Variants in SYNCRIP observed in about 807,000 individuals in gnomAD.
SYNCRIP encodes the protein heterogeneous nuclear ribonucleoprotein Q.
In SYNCRIP, 9 loss-of-function variants were observed where a neutral mutation model predicts 68.9. The ratio of observed to expected loss-of-function variants is 0.13; its 90% confidence interval spans 0.08 to 0.23. The LOEUF is 0.23. Ranked by LOEUF, SYNCRIP falls within the 10% of genes least tolerant of loss-of-function variation. SYNCRIP has a pLI of 1.00. For missense variants in SYNCRIP, 414 were observed against 770.6 expected, an observed-to-expected ratio of 0.54 and a Z score of 5.48; for synonymous variants, 258 against 254.0, an observed-to-expected ratio of 1.02 and a Z score of -0.15.
At chr6:85,635,893 G>GA (rs201938253) in intron 6 of SYNCRIP, among the ~76,000 whole-genome samples, 23 of 149,992 alleles carry the variant, frequency 1.5e-4, no homozygotes, top group East Asian at 1.9e-4. Context: ...AGGAGGGAGG[G>GA]AAAAAAAAAT....
rs1428167641 is a variant in SYNCRIP, at chr6:85,633,886, T to C, written c.666+3081A>G. Reference sequence around the variant, plus strand: ...ATCCTTGCACCTCAGCCTACCAAAGTGCTGGGACTACAGGTGTGAGCAACC... The same window carrying C: ...ATCCTTGCACCTCAGCCTACCAAAGCGCTGGGACTACAGGTGTGAGCAACC... On this transcript the variant is annotated intron_variant, in intron 6 of 10. Coordinates refer to ENST00000369622, the MANE Select transcript of SYNCRIP (RefSeq NM_006372.5). Among the ~76,000 whole-genome samples, 3 of 152,104 alleles carry C rather than the reference T, an allele frequency of 2.0e-5. 1 individual carries two copies. The South Asian group carries it at 6.2e-4, about 32-fold the overall frequency.
At chr6:85,625,381 T>G (rs1368533359) in intron 6 of SYNCRIP, among the ~76,000 whole-genome samples, 1 of 141,306 alleles carries the variant, frequency 7.1e-6, no homozygotes, top group African/African-American at 2.6e-5. Flanking sequence ...ACATACAGGG[T>G]TTTTTTTTTT....
intron 9 of SYNCRIP, 118 bp downstream of exon 9, chr6:85,619,150 G>C: frequency 2.8e-6 from 4 of 1,432,480 alleles, no homozygotes; most frequent in Non-Finnish European, 3.8e-6. Flanking sequence ...AAAGGTTTTA[G>C]TTTGAATGGA....
Position 85,618,917 on chromosome 6 carries a change from T to C in SYNCRIP, c.1181A>G (p.Lys394Arg). ...TTCAATATTTTCTCCCTCCAAGTCT[T>C]TGCCATTCATTTCTTCCATAGCCTT... is the stretch of plus-strand genomic sequence containing the variant. ...AVKAMEEMNG[K>R]DLEGENIEIV... The change falls in exon 10 of 11, where the codon AAA (lysine) becomes AGA (arginine). Residue 394 changes from lysine (K) to arginine (R), a missense_variant. Lys to Arg is a conservative substitution (Grantham distance 26, BLOSUM62 2). Coordinates refer to ENST00000369622, the MANE Select transcript of SYNCRIP (RefSeq NM_006372.5). 6.2e-7 allele frequency: 1 copy of C among 1,612,236 alleles called. No individual in the cohort carries two copies. Among genetic ancestry groups the C allele is most frequent in the Non-Finnish European group, 8.5e-7 (1 of 1,179,122 alleles).
chr6:85,635,526 T>G (rs141177245), intron 6 of SYNCRIP, among the ~76,000 whole-genome samples: 2 of 151,982 alleles, frequency 1.3e-5, no homozygotes, highest in Non-Finnish European at 2.9e-5. Flanking sequence ...TCCCAGCACT[T>G]TGCGGGGCTG....
chr6:85,633,048 C>T (rs1195736320), intron 6 of SYNCRIP, among the ~76,000 whole-genome samples: 3 of 150,172 alleles, frequency 2.0e-5, no homozygotes, highest in East Asian at 2.0e-4. Flanking sequence ...GTCAAGAGAT[C>T]GAGACCATCC....
At chr6:85,620,559 C>T (rs1017785328) in intron 8 of SYNCRIP, among the ~76,000 whole-genome samples, 2 of 152,182 alleles carry the variant, frequency 1.3e-5, no homozygotes, top group Non-Finnish European at 2.9e-5. Flanking sequence ...TGAAACTATT[C>T]TGTATAATAC....
chr6:85,642,045 T>C (rs1259267819), intron 1 of SYNCRIP, among the ~76,000 whole-genome samples: 2 of 151,978 alleles, frequency 1.3e-5, no homozygotes, highest in African/African-American at 4.8e-5. Context: ...TCCAATGTCC[T>C]ACAACTTCCT....
chr6:85,616,644 G>A (rs948275230), intron 10 of SYNCRIP, among the ~76,000 whole-genome samples: 3 of 152,178 alleles, frequency 2.0e-5, no homozygotes, highest in Middle Eastern at 3.4e-3. Flanking sequence ...CACCACGCCC[G>A]GCCTTATTTT....
At chr6:85,641,677 G>C (rs1398238177) in intron 1 of SYNCRIP, among the ~76,000 whole-genome samples, 2 of 152,024 alleles carry the variant, frequency 1.3e-5, no homozygotes, top group Non-Finnish European at 2.9e-5. Context: ...TGACTCACCT[G>C]CTAACACTCC....
intron 3 of SYNCRIP, 58 bp downstream of exon 3, chr6:85,640,388 A>C: frequency 6.3e-7 from 1 of 1,579,386 alleles, no homozygotes; most frequent in Middle Eastern, 1.7e-4. Flanking sequence ...AATAAAATTC[A>C]GCAGATAGTA....
In SYNCRIP at chr6:85,622,660, T is replaced by C; in HGVS notation, c.830A>G (p.His277Arg). The change falls in exon 8 of 11, where the codon CAC becomes CGC. Residue 277 changes from histidine (H) to arginine (R), a missense_variant. By Grantham distance (29) the His-to-Arg change is conservative. This residue lies in a region of SYNCRIP where 110 missense variants were observed against 269.3 expected (regional missense o/e 0.41). Transcript: ENST00000369622. ...GTTTTTTTTCTTGTCATCCGGTTGG[T>C]GGTATAAAATGACGTCTGTAAGACC... ...TEGLTDVILY[H>R]QPDDKKKNRG... The C allele has an allele frequency of 6.2e-7, 1 of 1,614,176 alleles. No homozygotes were observed. Among genetic ancestry groups the C allele is most frequent in the South Asian group, 1.1e-5 (1 of 91,086 alleles).
intron 6 of SYNCRIP, among the ~76,000 whole-genome samples, chr6:85,631,951 C>G (rs1465324882): frequency 6.6e-6 from 1 of 152,164 alleles, no homozygotes; most frequent in African/African-American, 2.4e-5. Context: ...TATTAATCAC[C>G]TTTTCACAAG....
intron 6 of SYNCRIP, among the ~76,000 whole-genome samples, chr6:85,630,464 T>TAA: frequency 6.6e-6 from 1 of 152,234 alleles, no homozygotes; most frequent in East Asian, 1.9e-4. Flanking sequence ...GATATTTCCG[T>TAA]TATTTAAGAT....
At position 85,625,076 on chromosome 6, in the gene SYNCRIP, G is replaced by A. The variant is rs530285405; in HGVS notation, c.667-964C>T. ...TATGCCCATCCTTGCTAGGTACACC[G>A]GGTATAACAGAAGAAAACATGTAAG... On this transcript the variant is annotated intron_variant, in intron 6 of 10. Transcript: ENST00000369622. Among the ~76,000 whole-genome samples, 169 of 152,208 alleles carry A rather than the reference G, an allele frequency of 1.1e-3. 1 individual carries two copies. Among genetic ancestry groups the A allele is most frequent in the Non-Finnish European group, 2.0e-3 (139 of 68,018 alleles).
chr6:85,629,221 T>C (rs558820161), intron 6 of SYNCRIP, among the ~76,000 whole-genome samples: 15 of 152,250 alleles, frequency 9.9e-5, no homozygotes, highest in Admixed American at 4.6e-4. Context: ...AACCTCTTTA[T>C]TGCAAAGCCT....
chr6:85,629,964 AGAGT>A (rs1235955581), intron 6 of SYNCRIP, among the ~76,000 whole-genome samples: 1 of 150,450 alleles, frequency 6.6e-6, no homozygotes, highest in Non-Finnish European at 1.5e-5. Flanking sequence ...AGCCTCGTTG[AGAGT>A]GAGGATTTGT....
upstream of SYNCRIP, chr6:85,643,013 T>TCCCTTCCCTC (rs1257931961): frequency 2.5e-5 from 3 of 118,364 alleles, no homozygotes; most frequent in Non-Finnish European, 5.3e-5. Context: ...TCCCTTCCCT[T>TCCCTTCCCTC]CCCTTCCCTC....
chr6:85,622,450 T>C, intron 8 of SYNCRIP, 32 bp downstream of exon 8: 1 of 1,467,374 alleles, frequency 6.8e-7, no homozygotes, highest in South Asian at 1.1e-5. Flanking sequence ...CATTAATCCC[T>C]CAAAAAATAT....
Sources: allele counts gnomAD v4.1 joint callset (sites outside exome capture counted in the v4.1 genomes callset), GRCh38; gene constraint gnomAD v4.1.1; regional missense constraint gnomAD v4.1.1; transcripts MANE v1.5; gene names NCBI Gene and HGNC (gene_info 2026-07-23, HGNC 2026-07-21).